The following RBFOX1 variants were observed in gnomAD, a reference collection of about 807,000 sequenced individuals.
RBFOX1 encodes RNA binding fox-1 homolog 1.
A neutral mutation model predicts 57.7 loss-of-function variants in RBFOX1; 8 were observed. The observed-to-expected ratio is 0.14, with a 90% CI of 0.08 to 0.25. The LOEUF is 0.25. RBFOX1 is among the 10% of genes least tolerant of loss of function. RBFOX1 has a pLI of 1.00. For synonymous variants in RBFOX1, 326 were observed against 222.4 expected (o/e 1.47, Z -4.15); for missense variants, 611 against 548.5 (o/e 1.11, Z -1.14).
At chr16:7,656,715 G>A (rs2066404255) in intron 12 of RBFOX1, among the ~76,000 whole-genome samples, 1 of 152,134 alleles carries the variant, frequency 6.6e-6, no homozygotes, top group South Asian at 2.1e-4. Context: ...GTGTGCTGAA[G>A]AGACAAATGG....
At chr16:5,740,640 A>G (rs149308496) in intron 3 of RBFOX1, among the ~76,000 whole-genome samples, 96 of 152,278 alleles carry the variant, frequency 6.3e-4, no homozygotes, top group African/African-American at 2.1e-3. Context: ...AGGAGCTTAA[A>G]CAGTATGATA....
chr16:5,677,644 G>T (rs78117416), intron 3 of RBFOX1, among the ~76,000 whole-genome samples: 4,053 of 152,214 alleles, frequency 0.027, 68 homozygotes, highest in Non-Finnish European at 0.039. Flanking sequence ...TATTCCCTGC[G>T]CTCATGGAAT....
At chr16:5,334,525 A>G (rs1400964579) in intron 1 of RBFOX1, among the ~76,000 whole-genome samples, 1 of 152,088 alleles carries the variant, frequency 6.6e-6, no homozygotes, top group Non-Finnish European at 1.5e-5. Flanking sequence ...ATTCTAGTAA[A>G]TAAAGGAAGA....
At chr16:5,552,430 G>T (rs1476468757) in intron 2 of RBFOX1, among the ~76,000 whole-genome samples, 3 of 152,156 alleles carry the variant, frequency 2.0e-5, no homozygotes, top group African/African-American at 7.2e-5. Context: ...TGCTCACATA[G>T]CCCAAGAGGT....
At chr16:7,263,089 G>C (rs992652389) in intron 4 of RBFOX1, among the ~76,000 whole-genome samples, 3 of 152,200 alleles carry the variant, frequency 2.0e-5, no homozygotes, top group African/African-American at 4.8e-5. Flanking sequence ...CCTCTGAATA[G>C]CCCTTATTCC....
chr16:5,363,101 T>G (rs1182789051), intron 1 of RBFOX1, among the ~76,000 whole-genome samples: 1 of 148,618 alleles, frequency 6.7e-6, no homozygotes, highest in Non-Finnish European at 1.5e-5. Flanking sequence ...TGGTGTGATC[T>G]CGGCTCACTG....
At chr16:6,167,180 G>A (rs1368015289) in intron 1 of RBFOX1, among the ~76,000 whole-genome samples, 1 of 152,246 alleles carries the variant, frequency 6.6e-6, no homozygotes, top group African/African-American at 2.4e-5. Context: ...TGGATGGGAA[G>A]AGCCGAAACA....
intron 4 of RBFOX1, chr16:7,423,072 G>C (rs1234955200): frequency 7.0e-6 from 1 of 141,972 alleles, no homozygotes; most frequent in Non-Finnish European, 1.5e-5. Flanking sequence ...TCTGAAACTA[G>C]GAGAGAGAGA....
chr16:6,453,253 C>A (rs896922563), intron 2 of RBFOX1, among the ~76,000 whole-genome samples: 1 of 152,128 alleles, frequency 6.6e-6, no homozygotes, highest in Non-Finnish European at 1.5e-5. Context: ...CTAATGCCAT[C>A]CCTCCTCTAG....
chr16:7,128,617 G>C (rs2069274622), intron 4 of RBFOX1, among the ~76,000 whole-genome samples: 2 of 152,084 alleles, frequency 1.3e-5, no homozygotes, highest in Non-Finnish European at 1.5e-5. Flanking sequence ...GCTCATGCTA[G>C]GAACTGACAC....
intron 3 of RBFOX1, among the ~76,000 whole-genome samples, chr16:6,966,154 A>G (rs1435989957): frequency 1.3e-5 from 2 of 152,042 alleles, no homozygotes; most frequent in African/African-American, 4.8e-5. Context: ...CTAAAAGGAG[A>G]CATTTACGCT....
intron 2 of RBFOX1, among the ~76,000 whole-genome samples, chr16:5,541,390 C>T (rs910918074): frequency 1.3e-5 from 2 of 151,960 alleles, no homozygotes; most frequent in African/African-American, 2.4e-5. Flanking sequence ...CCAAGGTAGT[C>T]GGGGCACAGC....
intron 3 of RBFOX1, among the ~76,000 whole-genome samples, chr16:5,857,876 G>T (rs2057112524): frequency 6.6e-6 from 1 of 152,142 alleles, no homozygotes; most frequent in African/African-American, 2.4e-5. Context: ...GAGCCTGGGA[G>T]GCAGCGGTTG....
At chr16:7,167,997 T>A (rs1454194670) in intron 4 of RBFOX1, among the ~76,000 whole-genome samples, 1 of 152,168 alleles carries the variant, frequency 6.6e-6, no homozygotes, top group Non-Finnish European at 1.5e-5. Context: ...AGGTAAGGAT[T>A]TTTTTTAAAC....
intron 4 of RBFOX1, among the ~76,000 whole-genome samples, chr16:7,108,189 G>C (rs879267154): frequency 1.3e-5 from 2 of 152,146 alleles, no homozygotes; most frequent in Non-Finnish European, 2.9e-5. Context: ...TGATGGTTCA[G>C]AACAGTCTCT....
intron 2 of RBFOX1, among the ~76,000 whole-genome samples, chr16:6,448,052 C>A (rs1438543075): frequency 2.0e-5 from 3 of 151,628 alleles, no homozygotes; most frequent in Admixed American, 2.0e-4. Context: ...AGACATTTCC[C>A]TTAATTCAAT....
intron 4 of RBFOX1, among the ~76,000 whole-genome samples, chr16:5,963,184 T>C (rs1019873467): frequency 6.6e-5 from 10 of 152,208 alleles, no homozygotes; most frequent in African/African-American, 1.9e-4. Context: ...TCCGTCTTTA[T>C]AGGTTAGGTA....
intron 2 of RBFOX1, among the ~76,000 whole-genome samples, chr16:6,448,506 A>G (rs991338899): frequency 6.6e-6 from 1 of 152,076 alleles, no homozygotes; most frequent in Non-Finnish European, 1.5e-5. Flanking sequence ...AGATGAATTT[A>G]TTTTAGGTAT....
intron 3 of RBFOX1, among the ~76,000 whole-genome samples, chr16:5,693,129 T>C (rs1436518921): frequency 6.6e-6 from 1 of 152,176 alleles, no homozygotes; most frequent in East Asian, 1.9e-4. Flanking sequence ...GTGAGCATCC[T>C]GGTGTGAACT....
Sources: allele counts gnomAD v4.1 joint callset (sites outside exome capture counted in the v4.1 genomes callset), GRCh38; gene constraint gnomAD v4.1.1; transcripts MANE v1.5; gene names NCBI Gene and HGNC (gene_info 2026-07-23, HGNC 2026-07-21).